The following SKOR1 variants were observed in gnomAD, a reference collection of about 807,000 sequenced individuals.
The protein encoded by SKOR1 is SKI family transcriptional corepressor 1.
In SKOR1, 38 loss-of-function variants were observed where a neutral mutation model predicts 72.4. That is an observed-to-expected ratio of 0.52 (90% CI 0.40 to 0.69). The LOEUF (loss-of-function observed/expected upper bound fraction) is 0.69, where lower values mean the gene tolerates loss of function less well. Ranked by LOEUF, SKOR1 falls within the 30% of genes least tolerant of loss-of-function variation. The probability of loss-of-function intolerance (pLI) is 0.00; values close to 1 mark genes in which losing one functional copy is unlikely to be tolerated. For synonymous variants in SKOR1, 642 were observed against 599.4 expected (o/e 1.07, Z -1.04); for missense variants, 1,320 against 1,343.2 (o/e 0.98, Z 0.27).
intron 2 of SKOR1, 44 bp from the exon 3 acceptor site, chr15:67,829,135 G>T (rs562784284): frequency 4.0e-6 from 6 of 1,486,298 alleles, no homozygotes; most frequent in African/African-American, 2.8e-5. Flanking sequence ...TTGGGCCGCC[G>T]CAGGGCGCCA....
At position 67,833,642 on chromosome 15, in the gene SKOR1, C is replaced by A; in HGVS notation, c.2804-100C>A. The A allele has an allele frequency of 4.0e-6, 5 of 1,257,914 alleles. No individual in the cohort carries two copies. In the Admixed American group the frequency reaches 8.4e-5, roughly 21 times the overall value. 77.9% of individuals were successfully genotyped at this position (1,257,914 alleles called of 1,614,324 possible). A position where few individuals can be genotyped will look rare whatever the true frequency, so the allele number is the denominator to read the frequency against. On this transcript the variant is annotated intron_variant, in intron 8 of 8. Coordinates refer to ENST00000380035, the MANE Select transcript of SKOR1 (RefSeq NM_001365915.1). This position sits in a 1 kb window ranked among gnomAD's most constrained non-coding sequence, Gnocchi z 6.0. ...GATCCGCTCGGTTGAGATTCCCTGA[C>A]CCCAAAGGGTTGGTAAGGCCGGGGA...
chr15:67,830,339 G>A, intron 4 of SKOR1, 41 bp downstream of exon 4: 5 of 1,593,950 alleles, frequency 3.1e-6, no homozygotes, highest in Non-Finnish European at 4.3e-6. Flanking sequence ...ACCGCACCCA[G>A]GAGCTGGGAC....
chr15:67,832,273 G>C lies in SKOR1; in HGVS notation c.2588-1G>C. ...TACCTCCCACTTTTCCCCTTTCACA[G>C]AGGAATTGCAAAAACTGCTCCTGGA... On this transcript the variant is annotated splice_acceptor_variant, in intron 5 of 8. Coordinates refer to ENST00000380035, the MANE Select transcript of SKOR1 (RefSeq NM_001365915.1). LOFTEE classifies it high-confidence loss of function. The surrounding 1 kb of genome is among the most constrained non-coding windows in gnomAD (Gnocchi z 4.5). The C allele has an allele frequency of 6.2e-7, 1 of 1,614,052 alleles. No individual in the cohort carries two copies. Among genetic ancestry groups the C allele is most frequent in the South Asian group, 1.1e-5 (1 of 91,086 alleles).
rs1470379193 is a variant in SKOR1 at position 67,825,980 on chromosome 15, G to T, written c.152G>T (p.Arg51Leu). 3 of 1,526,496 alleles carry T rather than the reference G, an allele frequency of 2.0e-6. No homozygotes were observed. Among genetic ancestry groups the T allele is most frequent in the African/African-American group, 2.8e-5 (2 of 71,964 alleles). The allele number at this position is 1,526,496 out of a possible 1,614,324, so 94.6% of individuals were successfully genotyped here. The stretch of plus-strand genomic sequence containing the variant: ...CTCACCACTCAGCTGGGGCCGGGGC[G>T]CGAGGGCAGTTCCTCGCCCAACTCC... ...EALTTQLGPG[R>L]EGSSSPNSKQ... The change falls in exon 2 of 9, where the codon CGC (arginine) becomes CTC (leucine). Residue 51 changes from arginine to leucine, a missense_variant. By Grantham distance (102) the Arg-to-Leu change is moderately radical. Coordinates refer to ENST00000380035, the MANE Select transcript of SKOR1 (RefSeq NM_001365915.1). The surrounding 1 kb of genome is among the most constrained non-coding windows in gnomAD (Gnocchi z 5.6).
At position 67,825,776 on chromosome 15, in the gene SKOR1, G is replaced by A. The variant is rs191508507; in HGVS notation, c.107+67G>A. 417 of 1,360,464 alleles carry A rather than the reference G, an allele frequency of 3.1e-4. 1 individual carries two copies. The East Asian group carries it at 6.9e-3, about 23-fold the overall frequency. 84.3% of individuals were successfully genotyped at this position (1,360,464 alleles called of 1,614,324 possible). A position where few individuals can be genotyped will look rare whatever the true frequency, so the allele number is the denominator to read the frequency against. The stretch of plus-strand genomic sequence containing the variant: ...TTGTTAACGGCGCCAACATGGGTCT[G>A]AGTAACAAAAGACGCCTGTCCAGGG... On this transcript the variant is annotated intron_variant, in intron 1 of 8. Transcript: ENST00000380035. The surrounding 1 kb of genome is among the most constrained non-coding windows in gnomAD (Gnocchi z 5.6).
rs1025545644 is a variant in SKOR1, at chr15:67,833,958, C to T, written c.*122C>T. ...CCCGACCGATGTAAATACAGCCGCC[C>T]GTCCGCCCGCCTTCCTCCCGGGCTC... On this transcript the variant is annotated 3_prime_UTR_variant, in exon 9 of 9. Transcript: ENST00000380035. The surrounding 1 kb of genome is among the most constrained non-coding windows in gnomAD (Gnocchi z 6.0). 9.2e-7 allele frequency: 1 copy of T among 1,083,592 alleles called. No individual in the cohort carries two copies. Among genetic ancestry groups the T allele is most frequent in the South Asian group, 1.3e-5 (1 of 77,490 alleles). The allele number at this position is 1,083,592 out of a possible 1,614,324, so 67.1% of individuals were successfully genotyped here.
In SKOR1 at chr15:67,826,716, G is replaced by A; in HGVS notation, c.888G>A (p.Gly296=). ...GGGGANGGSG[G]QGKGGAGGGG... ...GCGGTGCCAATGGCGGGTCGGGTGG[G>A]CAGGGGAAGGGTGGTGCTGGCGGCG... is the stretch of plus-strand genomic sequence containing the variant. The change falls in exon 2 of 9, where the codon GGG becomes GGA. Residue 296 remains glycine, a synonymous_variant. Coordinates refer to ENST00000380035, the MANE Select transcript of SKOR1 (RefSeq NM_001365915.1). 2 of 1,542,010 alleles carry A rather than the reference G, an allele frequency of 1.3e-6. No homozygotes were observed. Among genetic ancestry groups the A allele is most frequent in the Admixed American group, 1.9e-5 (1 of 51,568 alleles).
Position 67,832,570 on chromosome 15 carries a change from C to A in SKOR1, c.2663-37C>A, listed in dbSNP as rs1448603745. Reference sequence around the variant, plus strand: ...GAGAAAGTGGAGCCGGGAGAGGGGGCTGTGCGTAACAGCTCTCACTTAATC... The same window carrying A: ...GAGAAAGTGGAGCCGGGAGAGGGGGATGTGCGTAACAGCTCTCACTTAATC... On this transcript the variant is annotated intron_variant, in intron 6 of 8. Transcript: ENST00000380035. This position sits in a 1 kb window ranked among gnomAD's most constrained non-coding sequence, Gnocchi z 4.5. 6.4e-7 allele frequency: 1 copy of A among 1,571,852 alleles called. No individual in the cohort carries two copies. The highest frequency in any genetic ancestry group is 2.2e-5 in the East Asian group (1 of 44,672).
chr15:67,830,236 C>G lies in SKOR1; in HGVS notation c.2453C>G (p.Thr818Arg), dbSNP rs770589036. ...CACTCGCCCGCCGATGATTTGGAAA[C>G]GAGGAAATCCTATCCAGACCAAAGG... Reference protein sequence around the residue: ...DNHSPADDLETRKSYPDQRSI... With the variant: ...DNHSPADDLERRKSYPDQRSI... The change falls in exon 4 of 9, where the codon ACG becomes AGG. Residue 818 changes from threonine to arginine, a missense_variant. By Grantham distance (71) the Thr-to-Arg change is moderately conservative. Coordinates refer to ENST00000380035, the MANE Select transcript of SKOR1 (RefSeq NM_001365915.1). 6.2e-6 allele frequency: 10 copies of G among 1,614,064 alleles called. No individual in the cohort carries two copies. The African/African-American group carries it at 6.7e-5, about 11-fold the overall frequency.
chr15:67,832,736 C>A lies in SKOR1; in HGVS notation c.2737+55C>A. On this transcript the variant is annotated intron_variant, in intron 7 of 8. Transcript: ENST00000380035. This position sits in a 1 kb window ranked among gnomAD's most constrained non-coding sequence, Gnocchi z 4.5. ...CGGGCCGTAACTGCCTCTCGTCTGGCAGGAGCCGCAATGTTGGCTCAGTCA... is the reference window on the plus strand; with the variant it reads ...CGGGCCGTAACTGCCTCTCGTCTGGAAGGAGCCGCAATGTTGGCTCAGTCA... 7.1e-7 allele frequency: 1 copy of A among 1,416,204 alleles called. No individual in the cohort carries two copies. Among genetic ancestry groups the A allele is most frequent in the Non-Finnish European group, 1.0e-6 (1 of 1,003,054 alleles). The allele number at this position is 1,416,204 out of a possible 1,614,324, so 87.7% of individuals were successfully genotyped here. A position where few individuals can be genotyped will look rare whatever the true frequency, so the allele number is the denominator to read the frequency against.
In SKOR1 at chr15:67,827,219, A is replaced by G. The variant is rs778698108; in HGVS notation, c.1391A>G (p.Gln464Arg). The G allele has an allele frequency of 1.3e-6, 2 of 1,554,356 alleles. No individual in the cohort carries two copies. The highest frequency in any genetic ancestry group is 2.3e-5 in the South Asian group (2 of 86,338). ...PGGGAMFWGH[Q>R]PSGAAKDAAA... ...GGCGGCGCCATGTTCTGGGGGCATC[A>G]ACCCTCCGGGGCAGCCAAGGACGCA... Residue 464 changes from glutamine (Q) to arginine (R), a missense_variant, in exon 2 of 9, where the codon CAA becomes CGA. Physicochemically the swap from Gln to Arg is conservative, Grantham distance 43. This residue lies in a region of SKOR1 where 1,099 missense variants were observed against 1,025.5 expected (regional missense o/e 1.07). Coordinates refer to ENST00000380035, the MANE Select transcript of SKOR1 (RefSeq NM_001365915.1).
Position 67,828,154 on chromosome 15 carries a change from G to A in SKOR1, c.2316+10G>A, listed in dbSNP as rs558061270. ...CCCCGCGCCGGCCAAGGTGAGCCCC[G>A]CGCCCGCCCCGCCAGTGGCGCCTTC... On this transcript the variant is annotated intron_variant, in intron 2 of 8. Coordinates refer to ENST00000380035, the MANE Select transcript of SKOR1 (RefSeq NM_001365915.1). 1.4e-6 allele frequency: 2 copies of A among 1,428,172 alleles called. No individual in the cohort carries two copies. The highest frequency in any genetic ancestry group is 1.8e-6 in the Non-Finnish European group (2 of 1,103,218). 88.5% of individuals were successfully genotyped at this position (1,428,172 alleles called of 1,614,324 possible). A position where few individuals can be genotyped will look rare whatever the true frequency, so the allele number is the denominator to read the frequency against.
In SKOR1 at chr15:67,826,763, G is replaced by A. The variant is rs1439019506; in HGVS notation, c.935G>A (p.Cys312Tyr). The A allele has an allele frequency of 1.3e-6, 2 of 1,535,618 alleles. No individual in the cohort carries two copies. The highest frequency in any genetic ancestry group is 1.7e-6 in the Non-Finnish European group (2 of 1,145,834). Residue 312 changes from cysteine (C) to tyrosine (Y), a missense_variant, in exon 2 of 9, where the codon TGC (cysteine) becomes TAC (tyrosine). This residue lies in a region of SKOR1 where 1,099 missense variants were observed against 1,025.5 expected (regional missense o/e 1.07). Coordinates refer to ENST00000380035, the MANE Select transcript of SKOR1 (RefSeq NM_001365915.1). ...GGCGGTGGCGGCGGTGGCCCAGGGT[G>A]CGGTGCAGAGATGGCCCCAGGCCCG... ...AGGGGGGGPG[C>Y]GAEMAPGPPP...
In SKOR1 at chr15:67,827,438, A is replaced by G. The variant is rs1322382399; in HGVS notation, c.1610A>G (p.Asp537Gly). 6.6e-7 allele frequency: 1 copy of G among 1,523,850 alleles called. No individual in the cohort carries two copies. Among genetic ancestry groups the G allele is most frequent in the African/African-American group, 1.4e-5 (1 of 70,730 alleles). The allele number at this position is 1,523,850 out of a possible 1,614,324, so 94.4% of individuals were successfully genotyped here. The change falls in exon 2 of 9, where the codon GAC (aspartate) becomes GGC (glycine). Residue 537 changes from aspartate (D) to glycine (G), a missense_variant. Transcript: ENST00000380035. Reference sequence around the variant, plus strand: ...GGCAGCGGTGCCCCAGAGCCCCTGGACGGTGCCGAGCCAGCCAAAGAGAGT... The same window carrying G: ...GGCAGCGGTGCCCCAGAGCCCCTGGGCGGTGCCGAGCCAGCCAAAGAGAGT... ...AAGSGAPEPL[D>G]GAEPAKESGL...
Position 67,832,156 on chromosome 15 carries a change from C to T in SKOR1, c.2588-118C>T, listed in dbSNP as rs1277543959. 3.4e-6 allele frequency: 3 copies of T among 873,498 alleles called. No individual in the cohort carries two copies. The African/African-American group carries it at 5.0e-5, about 15-fold the overall frequency. 54.1% of individuals were successfully genotyped at this position (873,498 alleles called of 1,614,324 possible). On this transcript the variant is annotated intron_variant, in intron 5 of 8. Coordinates refer to ENST00000380035, the MANE Select transcript of SKOR1 (RefSeq NM_001365915.1). The surrounding 1 kb of genome is among the most constrained non-coding windows in gnomAD (Gnocchi z 4.5). ...GGTAAAGCCAGAGAGCGGAGGGCCT[C>T]CACCTACTGGTCATCCTTCTCAACT...
chr15:67,831,903 C>CCGGGGGGGGGGGGGGGGGGGGG (rs1476265010), intron 5 of SKOR1, among the ~76,000 whole-genome samples: 3 of 28,734 alleles, frequency 1.0e-4, no homozygotes, highest in African/African-American at 8.2e-4. Flanking sequence ...GGCGGCGGTG[C>CCGGGGGGGGGGGGGGGGGGGGG]GGGGGGGGGA....
At position 67,827,447 on chromosome 15, in the gene SKOR1, A is replaced by T; in HGVS notation, c.1619A>T (p.Glu540Val). 6.6e-7 allele frequency: 1 copy of T among 1,522,892 alleles called. No individual in the cohort carries two copies. The highest frequency in any genetic ancestry group is 8.8e-7 in the Non-Finnish European group (1 of 1,142,034). The allele number at this position is 1,522,892 out of a possible 1,614,324, so 94.3% of individuals were successfully genotyped here. ...GCCCCAGAGCCCCTGGACGGTGCCG[A>T]GCCAGCCAAAGAGAGTGGCCTCGGC... ...SGAPEPLDGAEPAKESGLGAE... is the reference protein window; with the variant it reads ...SGAPEPLDGAVPAKESGLGAE... Residue 540 changes from glutamate to valine, a missense_variant, in exon 2 of 9, where the codon GAG becomes GTG. By Grantham distance (121) the Glu-to-Val change is moderately radical. Transcript: ENST00000380035.
intron 4 of SKOR1, 152 bp downstream of exon 4, chr15:67,830,450 G>C: frequency 2.8e-6 from 2 of 726,078 alleles, no homozygotes; most frequent in East Asian, 5.4e-5. Context: ...TATTTAACGC[G>C]AGCAGGGTGC....
Position 67,828,039 on chromosome 15 carries a change from A to C in SKOR1, c.2211A>C (p.Ala737=). 6.5e-7 allele frequency: 1 copy of C among 1,539,386 alleles called. No individual in the cohort carries two copies. Among genetic ancestry groups the C allele is most frequent in the Non-Finnish European group, 8.7e-7 (1 of 1,144,856 alleles). The change falls in exon 2 of 9, where the codon GCA becomes GCC. Residue 737 remains alanine (A), a synonymous_variant. Transcript: ENST00000380035. ...PAGRPAFGDL[A]AEDLVRRPER... is the part of the protein sequence containing the mutation. Reference sequence around the variant, plus strand: ...GCCGGCCCGCATTTGGGGACTTGGCAGCCGAAGACTTGGTGCGGAGACCTG... The same window carrying C: ...GCCGGCCCGCATTTGGGGACTTGGCCGCCGAAGACTTGGTGCGGAGACCTG...
Sources: gnomAD v4.1 joint callset for allele counts (sites outside exome capture counted in the v4.1 genomes callset) on GRCh38, gnomAD v4.1.1 for gene constraint, gnomAD v4.1.1 regional missense constraint, Gnocchi (gnomAD v3.1) non-coding constraint, MANE v1.5 for transcripts, NCBI Gene and HGNC (gene_info 2026-07-23, HGNC 2026-07-21) for gene names.